The following ZIC5 variants were observed in gnomAD, a reference collection of about 807,000 sequenced individuals.
ZIC5 encodes the protein zinc finger protein ZIC 5.
In ZIC5, 20 loss-of-function variants were observed where a neutral mutation model predicts 28.5. The ratio of observed to expected loss-of-function variants is 0.70; its 90% CI spans 0.49 to 1.02. The LOEUF (loss-of-function observed/expected upper bound fraction) is 1.02, where lower values mean the gene tolerates loss of function less well. Among genes scored for constraint, ZIC5 ranks in the 50% least tolerant of loss-of-function variants. The probability of loss-of-function intolerance (pLI) is 0.00; values close to 1 mark genes in which losing one functional copy is unlikely to be tolerated. For missense variants in ZIC5, 951 were observed against 899.7 expected, an observed-to-expected ratio of 1.06 and a Z score of -0.73; for synonymous variants, 488 against 410.4, an observed-to-expected ratio of 1.19 and a Z score of -2.29.
intron 1 of ZIC5, 80 bp downstream of exon 1, chr13:99,970,047 G>A: frequency 6.3e-7 from 1 of 1,592,882 alleles, no homozygotes; most frequent in Admixed American, 1.8e-5. Context: ...GCAGGAGGAG[G>A]AGGAGAAGCA....
chr13:99,965,131 G>T lies in ZIC5; in HGVS notation c.*246C>A. 1 of 210,484 alleles carries T rather than the reference G, an allele frequency of 4.8e-6. No individual in the cohort carries two copies. Among genetic ancestry groups the T allele is most frequent in the Admixed American group, 6.0e-5 (1 of 16,752 alleles). The allele number at this position is 210,484 out of a possible 1,614,324, so 13.0% of individuals were successfully genotyped here. A position where few individuals can be genotyped will look rare whatever the true frequency, so the allele number is the denominator to read the frequency against. On this transcript the variant is annotated 3_prime_UTR_variant, in exon 2 of 2. Coordinates refer to ENST00000267294, the MANE Select transcript of ZIC5 (RefSeq NM_033132.5). Reference sequence around the variant, plus strand: ...GCCCCCAGCCCCATCCTCCTGCAATGTACAAGTCCAGCTTGGTTGTTTTTT... The same window carrying T: ...GCCCCCAGCCCCATCCTCCTGCAATTTACAAGTCCAGCTTGGTTGTTTTTT...
At position 99,965,170 on chromosome 13, in the gene ZIC5, G is replaced by GA. The variant is rs34614095; in HGVS notation, c.*206dup. On this transcript the variant is annotated 3_prime_UTR_variant, in exon 2 of 2. Coordinates refer to ENST00000267294, the MANE Select transcript of ZIC5 (RefSeq NM_033132.5). ...TGGTTGTTTTTTGTTTGTTTTTTAA[G>GA]AAAAAAAAAAAAAAAAGCCCAAATA... 102,711 of 210,522 alleles carry GA rather than the reference G, an allele frequency of 0.49. 20,067 individuals carry two copies. Among genetic ancestry groups the GA allele is most frequent in the East Asian group, 0.62 (5,712 of 9,256 alleles). 13.0% of individuals were successfully genotyped at this position (210,522 alleles called of 1,614,324 possible). A position where few individuals can be genotyped will look rare whatever the true frequency, so the allele number is the denominator to read the frequency against.
chr13:99,969,953 G>A (rs535729164), intron 1 of ZIC5, among the ~76,000 whole-genome samples, 174 bp downstream of exon 1: 187 of 152,254 alleles, frequency 1.2e-3, no homozygotes, highest in African/African-American at 4.3e-3. Flanking sequence ...AAAAAAAAGG[G>A]GGGGAGAGAA....
rs2152156069 is a variant in ZIC5 at position 99,970,315 on chromosome 13, T to C, written c.1289A>G (p.Glu430Gly). 2.5e-6 allele frequency: 4 copies of C among 1,612,414 alleles called. No individual in the cohort carries two copies. The highest frequency in any genetic ancestry group is 2.2e-5 in the South Asian group (2 of 91,034). Residue 430 changes from glutamate (E) to glycine (G), a missense_variant, in exon 1 of 2, where the codon GAG becomes GGG. By Grantham distance (98) the Glu-to-Gly change is moderately conservative. Transcript: ENST00000267294. ...HVTVEHVGGP[E>G]QSSHVCFWED... ...CCAGAAGCAGACGTGGCTGCTCTGC[T>C]CGGGGCCTCCCACGTGCTCCACCGT...
chr13:99,971,531 G>A lies in ZIC5; in HGVS notation c.73C>T (p.Pro25Ser). The change falls in exon 1 of 2, where the codon CCG (proline) becomes TCG (serine). Residue 25 changes from proline to serine, a missense_variant. Pro to Ser is a moderately conservative substitution (Grantham distance 74, BLOSUM62 -1). Coordinates refer to ENST00000267294, the MANE Select transcript of ZIC5 (RefSeq NM_033132.5). ...GGGAAGCCTGTCATATTCTGAAGCG[G>A]CTGGACCTGAGCCGTTGCCAAATCC... Reference protein sequence around the residue: ...LADLATAQVQPLQNMTGFPAL... With the variant: ...LADLATAQVQSLQNMTGFPAL... 1 of 1,552,070 alleles carries A rather than the reference G, an allele frequency of 6.4e-7. No homozygotes were observed. Among genetic ancestry groups the A allele is most frequent in the South Asian group, 1.2e-5 (1 of 84,088 alleles).
chr13:99,967,693 A>T (rs995358399), intron 1 of ZIC5, among the ~76,000 whole-genome samples: 2 of 152,226 alleles, frequency 1.3e-5, no homozygotes, highest in Admixed American at 6.5e-5. Flanking sequence ...CTGCACATGA[A>T]AAAGGGGAAC....
Position 99,971,172 on chromosome 13 carries a change from CG to C in ZIC5, c.431del (p.Pro144ArgfsTer163). The part of the protein sequence containing the change: ...PPTPSPPPPP[P>X]PPPPPALSGY... The stretch of plus-strand genomic sequence containing the variant: ...CCGAGAGGGCAGGAGGAGGAGGAGG[CG>C]GGGGAGGGGGAGGGGGTGAAGGGGT... On this transcript the variant is annotated frameshift_variant, in exon 1 of 2. Coordinates refer to ENST00000267294, the MANE Select transcript of ZIC5 (RefSeq NM_033132.5). LOFTEE classifies it high-confidence loss of function. The C allele has an allele frequency of 3.2e-6, 1 of 310,200 alleles. No homozygotes were observed. The allele number at this position is 310,200 out of a possible 1,614,324, so 19.2% of individuals were successfully genotyped here. A position where few individuals can be genotyped will look rare whatever the true frequency, so the allele number is the denominator to read the frequency against.
Position 99,971,762 on chromosome 13 carries a change from C to T in ZIC5, c.-159G>A. ...TCCCACTCTATCCTCCAGCGATTGG[C>T]AGAGTGAACACCACATTTGAGCTGC... On this transcript the variant is annotated 5_prime_UTR_variant, in exon 1 of 2. Coordinates refer to ENST00000267294, the MANE Select transcript of ZIC5 (RefSeq NM_033132.5). 2 of 1,501,244 alleles carry T rather than the reference C, an allele frequency of 1.3e-6. No homozygotes were observed. The highest frequency in any genetic ancestry group is 2.0e-5 in the Admixed American group (1 of 49,646). The allele number at this position is 1,501,244 out of a possible 1,614,324, so 93.0% of individuals were successfully genotyped here.
Position 99,965,811 on chromosome 13 carries a change from G to C in ZIC5, c.1486C>G (p.Pro496Ala), listed in dbSNP as rs138392158. Residue 496 changes from proline (P) to alanine (A), a missense_variant, in exon 2 of 2, where the codon CCT (proline) becomes GCT (alanine). Around this residue, in one of 3 missense-constraint regions of ZIC5, gnomAD observed 59 missense variants for 121.2 expected, o/e 0.49. Transcript: ENST00000267294. Reference sequence around the variant, plus strand: ...CAGCCATCAAATTCACATTTGAAAGGCTTTTCCCCTGCAAGGAAACACAGG... The same window carrying C: ...CAGCCATCAAATTCACATTTGAAAGCCTTTTCCCCTGCAAGGAAACACAGG... ...IHKRTHTGEK[P>A]FKCEFDGCDR... The C allele has an allele frequency of 1.9e-6, 3 of 1,611,374 alleles. No homozygotes were observed. In the African/African-American group the frequency reaches 4.0e-5, roughly 22 times the overall value.
At chr13:99,969,730 C>T (rs1022753670) in intron 1 of ZIC5, among the ~76,000 whole-genome samples, 2 of 152,072 alleles carry the variant, frequency 1.3e-5, no homozygotes, top group Admixed American at 1.3e-4. Flanking sequence ...CCATCGCCCT[C>T]CCAGACTTCC....
chr13:99,970,089 T>G, intron 1 of ZIC5, 38 bp downstream of exon 1: 1 of 1,588,986 alleles, frequency 6.3e-7, no homozygotes. Context: ...CAGGAGCTGG[T>G]GGCGGCGGCG....
chr13:99,970,023 A>G, intron 1 of ZIC5, 104 bp downstream of exon 1: 1 of 1,550,388 alleles, frequency 6.4e-7, no homozygotes, highest in Non-Finnish European at 8.7e-7. Context: ...AGAAGGAGAA[A>G]AAAATTAAGG....
chr13:99,965,135 A>C lies in ZIC5; in HGVS notation c.*242T>G, dbSNP rs1555330837. On this transcript the variant is annotated 3_prime_UTR_variant, in exon 2 of 2. Transcript: ENST00000267294. ...CCAGCCCCATCCTCCTGCAATGTACAAGTCCAGCTTGGTTGTTTTTTGTTT... is the reference window on the plus strand; with the variant it reads ...CCAGCCCCATCCTCCTGCAATGTACCAGTCCAGCTTGGTTGTTTTTTGTTT... 2 of 229,876 alleles carry C rather than the reference A, an allele frequency of 8.7e-6. No homozygotes were observed. Among genetic ancestry groups the C allele is most frequent in the Non-Finnish European group, 1.6e-5 (2 of 122,672 alleles). The allele number at this position is 229,876 out of a possible 1,614,324, so 14.2% of individuals were successfully genotyped here. A position where few individuals can be genotyped will look rare whatever the true frequency, so the allele number is the denominator to read the frequency against.
upstream of ZIC5, chr13:99,971,852 A>G (rs1243877875): frequency 1.3e-6 from 1 of 759,328 alleles, no homozygotes; most frequent in African/African-American, 1.8e-5. Flanking sequence ...GATTGGCAGT[A>G]GCCTCGGCTG....
chr13:99,969,444 G>C (rs9513683), intron 1 of ZIC5, among the ~76,000 whole-genome samples: 1 of 151,758 alleles, frequency 6.6e-6, no homozygotes, highest in East Asian at 2.0e-4. Flanking sequence ...GGGTGCACGC[G>C]CAGGAGGATA....
chr13:99,965,181 A>C lies in ZIC5; in HGVS notation c.*196T>G, dbSNP rs1444152361. On this transcript the variant is annotated 3_prime_UTR_variant, in exon 2 of 2. Coordinates refer to ENST00000267294, the MANE Select transcript of ZIC5 (RefSeq NM_033132.5). ...TGTTTGTTTTTTAAGAAAAAAAAAA[A>C]AAAAAGCCCAAATATCTTAATTAAA... 7.6e-6 allele frequency: 3 copies of C among 394,804 alleles called. No homozygotes were observed. The highest frequency in any genetic ancestry group is 1.2e-5 in the Non-Finnish European group (3 of 241,946). The allele number at this position is 394,804 out of a possible 1,614,324, so 24.5% of individuals were successfully genotyped here. A position where few individuals can be genotyped will look rare whatever the true frequency, so the allele number is the denominator to read the frequency against.
chr13:99,969,645 G>A (rs2053130717), intron 1 of ZIC5, among the ~76,000 whole-genome samples: 1 of 152,154 alleles, frequency 6.6e-6, no homozygotes, highest in African/African-American at 2.4e-5. Flanking sequence ...CCCGGTCCTC[G>A]GAGCGCGGAG....
At position 99,971,298 on chromosome 13, in the gene ZIC5, G is replaced by C; in HGVS notation, c.306C>G (p.Ala102=). Residue 102 remains alanine, a synonymous_variant, in exon 1 of 2, where the codon GCC becomes GCG. Coordinates refer to ENST00000267294, the MANE Select transcript of ZIC5 (RefSeq NM_033132.5). ...EAPAAAARAA[A]LVAHPGAGSY... ...TGCCCGCGCCGGGGTGCGCGACCAA[G>C]GCTGCAGCACGGGCGGCGGCTGCCG... 1.5e-6 allele frequency: 2 copies of C among 1,364,476 alleles called. No homozygotes were observed. The highest frequency in any genetic ancestry group is 4.0e-5 in the Admixed American group (1 of 24,708). 84.5% of individuals were successfully genotyped at this position (1,364,476 alleles called of 1,614,324 possible). A position where few individuals can be genotyped will look rare whatever the true frequency, so the allele number is the denominator to read the frequency against.
Position 99,970,654 on chromosome 13 carries a change from GCC to G in ZIC5, c.948_949del (p.Ala317ArgfsTer183). 8.7e-7 allele frequency: 1 copy of G among 1,150,830 alleles called. No individual in the cohort carries two copies. The highest frequency in any genetic ancestry group is 1.1e-6 in the Non-Finnish European group (1 of 929,566). The allele number at this position is 1,150,830 out of a possible 1,614,324, so 71.3% of individuals were successfully genotyped here. A position where few individuals can be genotyped will look rare whatever the true frequency, so the allele number is the denominator to read the frequency against. On this transcript the variant is annotated frameshift_variant, in exon 1 of 2. Coordinates refer to ENST00000267294, the MANE Select transcript of ZIC5 (RefSeq NM_033132.5). LOFTEE classifies it high-confidence loss of function. ...GGGCCCGGGCCCGGCCGCTGCTGCGGCCGCCGCAGCCGCCAGGTTCAGGTTTA... is the reference window on the plus strand; with the variant it reads ...GGGCCCGGGCCCGGCCGCTGCTGCGGGCCGCAGCCGCCAGGTTCAGGTTTA...
Sources: gnomAD v4.1 joint callset for allele counts (sites outside exome capture counted in the v4.1 genomes callset) on GRCh38, gnomAD v4.1.1 for gene constraint, gnomAD v4.1.1 regional missense constraint, MANE v1.5 for transcripts, NCBI Gene and HGNC (gene_info 2026-07-23, HGNC 2026-07-21) for gene names.